The following GAREM1 variants were observed in gnomAD, a reference collection of about 807,000 sequenced individuals.
The protein encoded by GAREM1 is GRB2-associated and regulator of MAPK protein 1.
Under a neutral mutation model 71.3 loss-of-function variants are expected in GAREM1, and 26 were observed. The observed-to-expected ratio is 0.36, with a 90% confidence interval of 0.27 to 0.51. The LOEUF (loss-of-function observed/expected upper bound fraction) is 0.51. Ranked by LOEUF, GAREM1 falls within the 20% of genes least tolerant of loss-of-function variation. The pLI is 0.95. For missense variants in GAREM1, 1,026 were observed against 1,103.1 expected, an observed-to-expected ratio of 0.93 and a Z score of 0.99; for synonymous variants, 440 against 433.2, an observed-to-expected ratio of 1.02 and a Z score of -0.20.
intron 1 of GAREM1, among the ~76,000 whole-genome samples, chr18:32,432,233 G>C (rs1012533568): frequency 2.0e-5 from 3 of 151,870 alleles, no homozygotes; most frequent in African/African-American, 7.3e-5. Flanking sequence ...ATGTCTTTTG[G>C]GATTTTTAGT....
At chr18:32,326,766 G>A (rs747041708) in intron 2 of GAREM1, among the ~76,000 whole-genome samples, 13 of 152,084 alleles carry the variant, frequency 8.5e-5, no homozygotes, top group Non-Finnish European at 1.6e-4. Flanking sequence ...AAATGCCTCC[G>A]CTTTTATTCA....
chr18:32,268,091 G>A lies in GAREM1; in HGVS notation c.2411C>T (p.Pro804Leu). 1.9e-6 allele frequency: 3 copies of A among 1,614,096 alleles called. No homozygotes were observed. The highest frequency in any genetic ancestry group is 2.5e-6 in the Non-Finnish European group (3 of 1,179,996). The change falls in exon 6 of 6, where the codon CCA becomes CTA. Residue 804 changes from proline to leucine, a missense_variant. Around this residue, in one of 3 missense-constraint regions of GAREM1, gnomAD observed 636 missense variants for 631.2 expected, o/e 1.01. Coordinates refer to ENST00000269209, the MANE Select transcript of GAREM1 (RefSeq NM_001242409.2). ...AGAGAGTCCTGATAGGTCAGCAGGTGGCTGCCATGGGGAACCGTCGCCACA... is the reference window on the plus strand; with the variant it reads ...AGAGAGTCCTGATAGGTCAGCAGGTAGCTGCCATGGGGAACCGTCGCCACA... ...RSCGDGSPWQ[P>L]PADLSGLSIE...
intron 4 of GAREM1, among the ~76,000 whole-genome samples, chr18:32,277,698 C>T (rs1217839593): frequency 6.6e-6 from 1 of 152,180 alleles, no homozygotes; most frequent in Non-Finnish European, 1.5e-5. Flanking sequence ...CCTTCTTTTC[C>T]CTTCTCTCCT....
At chr18:32,457,237 G>A (rs1303732087) in intron 1 of GAREM1, among the ~76,000 whole-genome samples, 28 of 150,578 alleles carry the variant, frequency 1.9e-4, no homozygotes, top group African/African-American at 6.4e-4. Context: ...GTGTGTGTGT[G>A]TGTGTGTGTG....
intron 1 of GAREM1, among the ~76,000 whole-genome samples, chr18:32,409,000 T>C (rs1318291482): frequency 6.6e-6 from 1 of 152,168 alleles, no homozygotes. Flanking sequence ...AAAGATGCAC[T>C]TAAGTCTCCA....
At chr18:32,380,389 T>C (rs567641446) in intron 2 of GAREM1, among the ~76,000 whole-genome samples, 3 of 150,150 alleles carry the variant, frequency 2.0e-5, no homozygotes, top group South Asian at 4.2e-4. Flanking sequence ...GGTGGGATAA[T>C]TGCTTGAACC....
At chr18:32,419,755 T>G (rs2048502736) in intron 1 of GAREM1, among the ~76,000 whole-genome samples, 1 of 152,162 alleles carries the variant, frequency 6.6e-6, no homozygotes, top group Non-Finnish European at 1.5e-5. Context: ...AAGGGAGCCA[T>G]TTCAGAATTC....
Position 32,308,343 on chromosome 18 carries a change from A to C in GAREM1, c.393+1850T>G, listed in dbSNP as rs913033185. Among the ~76,000 whole-genome samples, 2 of 150,252 alleles carry C rather than the reference A, an allele frequency of 1.3e-5. 1 individual carries two copies. Among genetic ancestry groups the C allele is most frequent in the Admixed American group, 1.3e-4 (2 of 15,090 alleles). ...TGACTTACTACAAATTCACCAAGAA[A>C]AGCTGCTAGAGGCATTTAAAAAAAT... On this transcript the variant is annotated intron_variant, in intron 3 of 5. Transcript: ENST00000269209.
intron 1 of GAREM1, among the ~76,000 whole-genome samples, chr18:32,439,265 G>T (rs2048711510): frequency 6.6e-6 from 1 of 152,092 alleles, no homozygotes; most frequent in African/African-American, 2.4e-5. Context: ...TTAACATGAA[G>T]AATTATAGAG....
At chr18:32,377,074 T>G (rs1240063263) in intron 2 of GAREM1, among the ~76,000 whole-genome samples, 1 of 152,146 alleles carries the variant, frequency 6.6e-6, no homozygotes, top group Non-Finnish European at 1.5e-5. Context: ...ACAAAAAACG[T>G]TAGGCAACAT....
intron 1 of GAREM1, among the ~76,000 whole-genome samples, chr18:32,457,199 TAG>T (rs748743638): frequency 1.9e-5 from 1 of 52,524 alleles, no homozygotes. Context: ...ATTGTGTGTG[TAG>T]GGGGGGAGAG....
In GAREM1 at chr18:32,426,853, T is replaced by C. The variant is rs186347049; in HGVS notation, c.122-33818A>G. On this transcript the variant is annotated intron_variant, in intron 1 of 5. Coordinates refer to ENST00000269209, the MANE Select transcript of GAREM1 (RefSeq NM_001242409.2). ...TATATCTTAAAGATCACTGCATTTTTAATGGCATTATATTTTTTAAAAAGA... is the reference window on the plus strand; with the variant it reads ...TATATCTTAAAGATCACTGCATTTTCAATGGCATTATATTTTTTAAAAAGA... Among the ~76,000 whole-genome samples the C allele has an allele frequency of 2.4e-3, 366 of 152,368 alleles. 3 individuals carry two copies. Among genetic ancestry groups the C allele is most frequent in the Middle Eastern group, 0.01 (3 of 294 alleles).
At chr18:32,279,421 G>A (rs2041584893) in intron 4 of GAREM1, among the ~76,000 whole-genome samples, 1 of 152,186 alleles carries the variant, frequency 6.6e-6, no homozygotes, top group Non-Finnish European at 1.5e-5. Flanking sequence ...GATTCTCATA[G>A]GAGCATGAAC....
chr18:32,274,543 G>A (rs909542072), intron 4 of GAREM1, among the ~76,000 whole-genome samples: 2 of 152,058 alleles, frequency 1.3e-5, no homozygotes, highest in African/African-American at 4.8e-5. Flanking sequence ...CCTGGATAAA[G>A]GCTGGCCTCC....
chr18:32,387,156 C>T (rs2048155625), intron 2 of GAREM1, among the ~76,000 whole-genome samples: 1 of 151,820 alleles, frequency 6.6e-6, no homozygotes, highest in Admixed American at 6.6e-5. Context: ...ACTGGTCATG[C>T]TGAGCTGCAG....
chr18:32,333,482 G>A (rs1188830508), intron 2 of GAREM1, among the ~76,000 whole-genome samples: 1 of 152,162 alleles, frequency 6.6e-6, no homozygotes, highest in East Asian at 1.9e-4. Context: ...CAAGTTTCAA[G>A]GGCAAGTGCC....
chr18:32,410,573 C>T (rs1309435925), intron 1 of GAREM1, among the ~76,000 whole-genome samples: 1 of 152,108 alleles, frequency 6.6e-6, no homozygotes, highest in Non-Finnish European at 1.5e-5. Flanking sequence ...TGGTTTTAAA[C>T]TCCTGGTCTC....
intron 2 of GAREM1, among the ~76,000 whole-genome samples, chr18:32,319,180 A>T (rs638142): frequency 0.25 from 37,843 of 152,150 alleles, 5,385 homozygotes; most frequent in African/African-American, 0.39. Context: ...GAAATGCATT[A>T]AAAATGGCTC....
intron 1 of GAREM1, among the ~76,000 whole-genome samples, chr18:32,458,911 A>G (rs1023782437): frequency 3.9e-5 from 6 of 152,102 alleles, no homozygotes; most frequent in African/African-American, 1.4e-4. Context: ...AATTTTGAAC[A>G]ATCATCCCAC....
Sources: gnomAD v4.1 joint callset for allele counts (sites outside exome capture counted in the v4.1 genomes callset) on GRCh38, gnomAD v4.1.1 for gene constraint, gnomAD v4.1.1 regional missense constraint, MANE v1.5 for transcripts, NCBI Gene and HGNC (gene_info 2026-07-23, HGNC 2026-07-21) for gene names.